The following IL36B variants were observed in gnomAD, a reference collection of about 807,000 sequenced individuals.
The protein encoded by IL36B is interleukin-36 beta.
In IL36B, 23 loss-of-function variants were observed where a neutral mutation model predicts 19.3. The ratio of observed to expected loss-of-function variants is 1.19; its 90% CI spans 0.86 to 1.69. The LOEUF is 1.69. IL36B is among the 40% of genes most tolerant of loss of function. IL36B has a pLI of 0.00. For missense variants in IL36B, 217 were observed against 200.5 expected (o/e 1.08, Z -0.50); for synonymous variants, 59 against 59.7 (o/e 0.99, Z 0.05).
At chr2:113,032,623 T>A (rs1396176085) in intron 1 of IL36B, among the ~76,000 whole-genome samples, 1 of 152,160 alleles carries the variant, frequency 6.6e-6, no homozygotes, top group African/African-American at 2.4e-5. Flanking sequence ...TGAAAGAAGT[T>A]CCCCATACCT....
chr2:113,024,252 C>T (rs919648458), intron 5 of IL36B, among the ~76,000 whole-genome samples: 4 of 152,086 alleles, frequency 2.6e-5, no homozygotes, highest in Non-Finnish European at 5.9e-5. Flanking sequence ...TCAACACCTC[C>T]GTGAATATTA....
intron 1 of IL36B, among the ~76,000 whole-genome samples, chr2:113,045,491 G>T (rs1685333879): frequency 6.6e-6 from 1 of 151,948 alleles, no homozygotes; most frequent in Admixed American, 6.5e-5. Flanking sequence ...CAATCTTCTT[G>T]AACCTGTGTT....
chr2:113,026,078 A>G, intron 5 of IL36B: 1 of 1,611,102 alleles, frequency 6.2e-7, no homozygotes, highest in Non-Finnish European at 8.5e-7. Context: ...CACCTGTGGG[A>G]TGGATAAGAG....
At chr2:113,034,150 G>A (rs371337316) in intron 1 of IL36B, among the ~76,000 whole-genome samples, 1 of 152,172 alleles carries the variant, frequency 6.6e-6, no homozygotes. Context: ...ACATGATCTG[G>A]GTCCTCTTTA....
chr2:113,037,654 A>G (rs1420047921), intron 1 of IL36B, among the ~76,000 whole-genome samples: 1 of 152,114 alleles, frequency 6.6e-6, no homozygotes, highest in South Asian at 2.1e-4. Context: ...TATCTCAAAA[A>G]AAAAAAAAAA....
chr2:113,046,356 C>G (rs1174073489), intron 1 of IL36B, among the ~76,000 whole-genome samples: 1 of 151,906 alleles, frequency 6.6e-6, no homozygotes, highest in Non-Finnish European at 1.5e-5. Flanking sequence ...ACTACAGACT[C>G]CCGCCACCAC....
intron 5 of IL36B, chr2:113,022,872 G>C: frequency 2.7e-6 from 2 of 732,662 alleles, no homozygotes; most frequent in South Asian, 1.6e-5. Flanking sequence ...GATTCTACAC[G>C]GAGGCTCCTG....
At chr2:113,025,628 C>A (rs1684944347) in intron 5 of IL36B, among the ~76,000 whole-genome samples, 1 of 152,110 alleles carries the variant, frequency 6.6e-6, no homozygotes, top group Admixed American at 6.6e-5. Flanking sequence ...ATGCTATGGA[C>A]CTCGCAGAAG....
At position 113,052,666 on chromosome 2, in the gene IL36B, A is replaced by C. The variant is rs563949251; in HGVS notation, c.-58+151T>G. 1.4e-4 allele frequency among the ~76,000 whole-genome samples: 22 copies of C among 152,366 alleles called. No individual in the cohort carries two copies. In the South Asian group the frequency reaches 4.1e-3, roughly 29 times the overall value. ...CCTCACAGCATATTCTGCACTCATT[A>C]CGCCAGTCTGTTGGAGCTGAGTCCA... On this transcript the variant is annotated intron_variant, in intron 1 of 5. Transcript: ENST00000259213.
chr2:113,026,121 G>T lies in IL36B; in HGVS notation c.373C>A (p.Gln125Lys). 3.1e-6 allele frequency: 5 copies of T among 1,613,702 alleles called. No individual in the cohort carries two copies. Among genetic ancestry groups the T allele is most frequent in the Non-Finnish European group, 3.4e-6 (4 of 1,179,756 alleles). Reference sequence around the variant, plus strand: ...TCCTCACCCACTCCTATTCCCCATTGGTCAAGGGTTCCCATGAAGCAGCTC... The same window carrying T: ...TCCTCACCCACTCCTATTCCCCATTTGTCAAGGGTTCCCATGAAGCAGCTC... The change falls in exon 5 of 6, where the codon CAA becomes AAA. Residue 125 changes from glutamine (Q) to lysine (K), a missense_variant. Physicochemically the swap from Gln to Lys is moderately conservative, Grantham distance 53 (BLOSUM62 1). Coordinates refer to ENST00000259213, the MANE Select transcript of IL36B (RefSeq NM_014438.5).
At chr2:113,036,856 A>G (rs12475423) in intron 1 of IL36B, among the ~76,000 whole-genome samples, 112,457 of 152,190 alleles carry the variant, frequency 0.74, 41,927 homozygotes, top group East Asian at 0.94. Context: ...ACTGCATCTG[A>G]GCCAGACAAA....
intron 1 of IL36B, among the ~76,000 whole-genome samples, chr2:113,034,828 T>C (rs968129416): frequency 3.9e-5 from 6 of 152,228 alleles, no homozygotes; most frequent in Non-Finnish European, 5.9e-5. Context: ...TCAGTGGGAC[T>C]GGCAGCTTTG....
At chr2:113,031,945 A>C (rs779435370) in intron 1 of IL36B, among the ~76,000 whole-genome samples, 179 bp from the exon 2 acceptor site, 4 of 152,154 alleles carry the variant, frequency 2.6e-5, no homozygotes, top group Non-Finnish European at 5.9e-5. Context: ...AAAACCCTAA[A>C]AGGAAGCTCC....
intron 1 of IL36B, among the ~76,000 whole-genome samples, chr2:113,039,548 T>G (rs1181959721): frequency 6.6e-6 from 1 of 152,044 alleles, no homozygotes. Context: ...GGAGAGTATA[T>G]AACTTCCAAA....
chr2:113,043,531 G>A (rs1303966819), intron 1 of IL36B, among the ~76,000 whole-genome samples: 1 of 152,024 alleles, frequency 6.6e-6, no homozygotes, highest in Non-Finnish European at 1.5e-5. Flanking sequence ...ACCATTTGTT[G>A]AACATGGTAT....
chr2:113,052,652 A>T (rs1240267527), intron 1 of IL36B, among the ~76,000 whole-genome samples, 165 bp downstream of exon 1: 1 of 152,218 alleles, frequency 6.6e-6, no homozygotes, highest in African/African-American at 2.4e-5. Flanking sequence ...CTCACAGCAT[A>T]TTCTGCACTC....
intron 4 of IL36B, chr2:113,027,733 G>T (rs1349453517): frequency 2.8e-6 from 4 of 1,437,590 alleles, no homozygotes; most frequent in Non-Finnish European, 3.6e-6. Flanking sequence ...TGAGGGTCTT[G>T]GTACAGAAAT....
chr2:113,051,168 A>G (rs1008703362), intron 1 of IL36B, among the ~76,000 whole-genome samples: 1 of 152,180 alleles, frequency 6.6e-6, no homozygotes. Context: ...CGGAGGGGCC[A>G]GCGCAGGACC....
At chr2:113,050,235 G>C (rs1685419068) in intron 1 of IL36B, among the ~76,000 whole-genome samples, 1 of 152,006 alleles carries the variant, frequency 6.6e-6, no homozygotes, top group South Asian at 2.1e-4. Context: ...AACGAATAAA[G>C]AAAATGTGGT....
Sources: allele counts gnomAD v4.1 joint callset (sites outside exome capture counted in the v4.1 genomes callset), GRCh38; gene constraint gnomAD v4.1.1; transcripts MANE v1.5; gene names NCBI Gene and HGNC (gene_info 2026-07-23, HGNC 2026-07-21).